The following LIFR variants were observed in gnomAD, a reference collection of about 807,000 sequenced individuals.
The protein encoded by LIFR is leukemia inhibitory factor receptor.
In LIFR, 84 loss-of-function variants were observed where a neutral mutation model predicts 122.2. The observed-to-expected ratio is 0.69, with a 90% CI of 0.58 to 0.82. The LOEUF (loss-of-function observed/expected upper bound fraction) is 0.82, where lower values mean the gene tolerates loss of function less well. Among genes scored for constraint, LIFR ranks in the 40% least tolerant of loss-of-function variants. The pLI is 0.00. For missense variants in LIFR, 1,294 were observed against 1,311.6 expected, an observed-to-expected ratio of 0.99 and a Z score of 0.21; for synonymous variants, 422 against 434.7, an observed-to-expected ratio of 0.97 and a Z score of 0.36.
At chr5:38,552,716 T>C (rs988283508) in intron 1 of LIFR, among the ~76,000 whole-genome samples, 1 of 152,220 alleles carries the variant, frequency 6.6e-6, no homozygotes, top group Non-Finnish European at 1.5e-5. Context: ...AGCAACAGTT[T>C]GACAAAAGTG....
At chr5:38,549,252 TACACACACACACACACACAC>T (rs58706799) in intron 1 of LIFR, among the ~76,000 whole-genome samples, 3 of 147,910 alleles carry the variant, frequency 2.0e-5, no homozygotes, top group East Asian at 2.0e-4. Flanking sequence ...TAGAAAATTG[TACACACACACACACACACAC>T]ACACACACAC....
chr5:38,553,824 C>T lies in LIFR; in HGVS notation c.-20+2510G>A, dbSNP rs190135325. Among the ~76,000 whole-genome samples the T allele has an allele frequency of 4.9e-3, 744 of 151,320 alleles. 15 individuals carry two copies. The highest frequency in any genetic ancestry group is 0.042 in the Admixed American group (640 of 15,214). On this transcript the variant is annotated intron_variant, in intron 1 of 19. Coordinates refer to ENST00000453190, the MANE Select transcript of LIFR (RefSeq NM_001127671.2). ...GGCTCAATTTCTAGCATTAGCATTA[C>T]TTTTACAATTTATTCTTTTTCAAGA...
chr5:38,529,899 G>C (rs1463395620), intron 2 of LIFR, among the ~76,000 whole-genome samples: 1 of 151,966 alleles, frequency 6.6e-6, no homozygotes, highest in Non-Finnish European at 1.5e-5. Flanking sequence ...GAATGACCTT[G>C]GAGAAAAGAG....
intron 1 of LIFR, among the ~76,000 whole-genome samples, chr5:38,582,075 T>G (rs1205302504): frequency 2.0e-5 from 3 of 151,904 alleles, no homozygotes; most frequent in Admixed American, 6.6e-5. Context: ...TTTTTTCTTT[T>G]TTTAGAGATG....
intron 8 of LIFR, 46 bp downstream of exon 8, chr5:38,506,457 C>G: frequency 6.2e-7 from 1 of 1,611,028 alleles, no homozygotes; most frequent in Non-Finnish European, 8.5e-7. Context: ...ACATGCACTT[C>G]CAACGTACTC....
chr5:38,491,858 T>C (rs566074926), intron 14 of LIFR, among the ~76,000 whole-genome samples: 31 of 152,356 alleles, frequency 2.0e-4, no homozygotes, highest in African/African-American at 7.2e-4. Flanking sequence ...TGGAGAAAGG[T>C]ATGCTTGAGG....
At position 38,482,625 on chromosome 5, in the gene LIFR, G is replaced by A; in HGVS notation, c.2634C>T (p.Asn878=). The change falls in exon 19 of 20, where the codon AAC becomes AAT. Residue 878 remains asparagine (N), a synonymous_variant. Transcript: ENST00000453190. Reference sequence around the variant, plus strand: ...TCTTTTGAAACTGTAATGCTTTACAGTTTTCTGGATTTGGAATATCAGGGT... The same window carrying A: ...TCTTTTGAAACTGTAATGCTTTACAATTTTCTGGATTTGGAATATCAGGGT... The part of the protein sequence containing the change: ...TFYPDIPNPE[N]CKALQFQKSV... The A allele has an allele frequency of 6.7e-7, 1 of 1,501,832 alleles. No homozygotes were observed. Among genetic ancestry groups the A allele is most frequent in the Non-Finnish European group, 9.1e-7 (1 of 1,104,908 alleles). The allele number at this position is 1,501,832 out of a possible 1,614,324, so 93.0% of individuals were successfully genotyped here.
intron 3 of LIFR, among the ~76,000 whole-genome samples, chr5:38,527,881 T>G (rs895322983): frequency 6.6e-6 from 1 of 152,218 alleles, no homozygotes; most frequent in African/African-American, 2.4e-5. Flanking sequence ...GTTGTTCATA[T>G]ATGTTTCAAA....
chr5:38,565,586 ATTT>A (rs1223940813), intron 1 of LIFR, among the ~76,000 whole-genome samples: 19 of 134,860 alleles, frequency 1.4e-4, no homozygotes, highest in Admixed American at 7.4e-4. Context: ...ATGATTGTTG[ATTT>A]TTTTTTTTTT....
intron 1 of LIFR, among the ~76,000 whole-genome samples, chr5:38,562,513 A>T (rs1748874783): frequency 6.6e-6 from 1 of 152,224 alleles, no homozygotes; most frequent in Non-Finnish European, 1.5e-5. Flanking sequence ...TAATATTCTC[A>T]ATTAAGCTAA....
At chr5:38,488,464 C>T (rs1263277052) in intron 16 of LIFR, among the ~76,000 whole-genome samples, 2 of 152,200 alleles carry the variant, frequency 1.3e-5, no homozygotes, top group African/African-American at 4.8e-5. Flanking sequence ...TAAGAAATAT[C>T]TGATTCTCAG....
chr5:38,586,008 G>A (rs1475936205), intron 1 of LIFR, among the ~76,000 whole-genome samples: 2 of 152,148 alleles, frequency 1.3e-5, no homozygotes, highest in East Asian at 3.9e-4. Flanking sequence ...TAAGCCGAGT[G>A]TAGCATCACT....
rs1185383663 is a variant in LIFR, at chr5:38,489,139, T to C, written c.2274A>G (p.Gly758=). 2 of 1,612,930 alleles carry C rather than the reference T, an allele frequency of 1.2e-6. No individual in the cohort carries two copies. The highest frequency in any genetic ancestry group is 2.7e-5 in the African/African-American group (2 of 74,902). The part of the protein sequence containing the change: ...PVEELRGFLR[G]YLFYFGKGER... Reference sequence around the variant, plus strand: ...CTCCTTTTCCAAAGTAAAACAAATATCCTCTTAAAAAGCCTCTAAGTTCTT... The same window carrying C: ...CTCCTTTTCCAAAGTAAAACAAATACCCTCTTAAAAAGCCTCTAAGTTCTT... The change falls in exon 16 of 20, where the codon GGA becomes GGG. Residue 758 remains glycine, a synonymous_variant. Coordinates refer to ENST00000453190, the MANE Select transcript of LIFR (RefSeq NM_001127671.2).
chr5:38,580,388 C>G (rs759196105), intron 1 of LIFR, among the ~76,000 whole-genome samples: 1 of 152,174 alleles, frequency 6.6e-6, no homozygotes, highest in African/African-American at 2.4e-5. Flanking sequence ...TCTCTTCTCT[C>G]CCTGCCACCT....
chr5:38,477,684 A>G lies in LIFR; in HGVS notation c.*3911T>C, dbSNP rs1743789131. The G allele has an allele frequency of 4.6e-6, 1 of 217,526 alleles. No homozygotes were observed. Among genetic ancestry groups the G allele is most frequent in the Non-Finnish European group, 9.3e-6 (1 of 108,020 alleles). The allele number at this position is 217,526 out of a possible 1,614,324, so 13.5% of individuals were successfully genotyped here. ...AGTAGATTTGAATCTTTGAGTCAATAGTCTCAGATCCACACAAGCTAGATT... is the reference window on the plus strand; with the variant it reads ...AGTAGATTTGAATCTTTGAGTCAATGGTCTCAGATCCACACAAGCTAGATT... On this transcript the variant is annotated 3_prime_UTR_variant, in exon 20 of 20. Coordinates refer to ENST00000453190, the MANE Select transcript of LIFR (RefSeq NM_001127671.2).
chr5:38,502,085 G>A (rs1323780538), intron 11 of LIFR, among the ~76,000 whole-genome samples: 5 of 151,452 alleles, frequency 3.3e-5, no homozygotes, highest in African/African-American at 1.2e-4. Context: ...GTAATATGGT[G>A]GCAATCATAG....
At chr5:38,506,815 C>T (rs567897704) in intron 7 of LIFR, among the ~76,000 whole-genome samples, 183 bp from the exon 8 acceptor site, 41 of 152,246 alleles carry the variant, frequency 2.7e-4, no homozygotes, top group African/African-American at 9.9e-4. Context: ...GTTCATATTA[C>T]ATTAGAATTG....
chr5:38,585,866 T>C (rs964178552), intron 1 of LIFR, among the ~76,000 whole-genome samples: 1 of 152,156 alleles, frequency 6.6e-6, no homozygotes, highest in Non-Finnish European at 1.5e-5. Context: ...ATTATAGACT[T>C]GGAAGTTGCC....
chr5:38,598,393 T>C (rs1750161198), upstream of LIFR, among the ~76,000 whole-genome samples: 1 of 151,570 alleles, frequency 6.6e-6, no homozygotes, highest in Non-Finnish European at 1.5e-5. Flanking sequence ...ATTACAGGCA[T>C]GCACCACCAT....
Sources: allele counts gnomAD v4.1 joint callset (sites outside exome capture counted in the v4.1 genomes callset), GRCh38; gene constraint gnomAD v4.1.1; transcripts MANE v1.5; gene names NCBI Gene and HGNC (gene_info 2026-07-23, HGNC 2026-07-21).